Variants in PAX7 observed in about 807,000 individuals in gnomAD.
PAX7 encodes paired box 7.
Under a neutral mutation model 50.7 loss-of-function variants are expected in PAX7, and 18 were observed. The observed-to-expected ratio is 0.36, with a 90% CI of 0.25 to 0.53. The LOEUF (loss-of-function observed/expected upper bound fraction) is 0.53. PAX7 is among the 20% of genes least tolerant of loss of function. The pLI is 0.93. For synonymous variants in PAX7, 310 were observed against 290.4 expected, an observed-to-expected ratio of 1.07 and a Z score of -0.69; for missense variants, 644 against 702.9, an observed-to-expected ratio of 0.92 and a Z score of 0.95.
At chr1:18,694,459 C>A in intron 5 of PAX7, among the ~76,000 whole-genome samples, 1 of 128,938 alleles carries the variant, frequency 7.8e-6, no homozygotes. Context: ...AACTCTGTCT[C>A]GAAAATAAAT....
intron 4 of PAX7, among the ~76,000 whole-genome samples, chr1:18,673,569 A>G (rs1271226441): frequency 1.3e-5 from 2 of 152,212 alleles, no homozygotes; most frequent in Non-Finnish European, 2.9e-5. Flanking sequence ...TCAGAGCAAT[A>G]ATTGTCCCAG....
At chr1:18,703,369 G>A (rs1173018782) in intron 7 of PAX7, 73 bp downstream of exon 7, 3 of 1,372,576 alleles carry the variant, frequency 2.2e-6, no homozygotes, top group East Asian at 2.3e-5. Flanking sequence ...GCACGTGGGT[G>A]GAAGCCTTGC....
In PAX7 at chr1:18,726,619, G is replaced by A. The variant is rs1483969684; in HGVS notation, c.1156-9013G>A. On this transcript the variant is annotated intron_variant, in intron 7 of 8. Coordinates refer to ENST00000420770, the MANE Select transcript of PAX7 (RefSeq NM_001135254.2). This position sits in a 1 kb window ranked among gnomAD's most constrained non-coding sequence, Gnocchi z 4.8. ...CCAGGCAGAGGGTTGGGCCTTAGTG[G>A]GACTGAAAGTTTCCACGGGGTAAGG... Among the ~76,000 whole-genome samples, 1 of 152,100 alleles carries A rather than the reference G, an allele frequency of 6.6e-6. No individual in the cohort carries two copies. The highest frequency in any genetic ancestry group is 1.5e-5 in the Non-Finnish European group (1 of 68,024).
chr1:18,686,893 A>AT (rs774061568), intron 4 of PAX7, among the ~76,000 whole-genome samples: 12,057 of 50,710 alleles, frequency 0.24, 553 homozygotes, highest in Non-Finnish European at 0.26. Context: ...TTTTATTATT[A>AT]TTATTATTAT....
At chr1:18,667,638 T>C (rs2088690048) in intron 4 of PAX7, among the ~76,000 whole-genome samples, 1 of 152,098 alleles carries the variant, frequency 6.6e-6, no homozygotes, top group Non-Finnish European at 1.5e-5. Flanking sequence ...CTACAAGTCA[T>C]GGAATCCTGG....
intron 4 of PAX7, among the ~76,000 whole-genome samples, chr1:18,648,540 G>C (rs1447394827): frequency 6.6e-6 from 1 of 151,902 alleles, no homozygotes; most frequent in Admixed American, 6.6e-5. Context: ...ACAGGATTTT[G>C]CCACGTTGCC....
intron 4 of PAX7, among the ~76,000 whole-genome samples, chr1:18,654,038 ACG>A (rs1201270162): frequency 6.6e-6 from 1 of 151,910 alleles, no homozygotes; most frequent in Admixed American, 6.6e-5. Flanking sequence ...GACTGCAAAT[ACG>A]CCAAAGATGA....
At chr1:18,633,371 G>A (rs2088089118) in intron 1 of PAX7, among the ~76,000 whole-genome samples, 1 of 152,178 alleles carries the variant, frequency 6.6e-6, no homozygotes. Flanking sequence ...AGGAAATTGT[G>A]TAGACTTTGC....
At chr1:18,681,506 T>C (rs1237942168) in intron 4 of PAX7, among the ~76,000 whole-genome samples, 1 of 152,136 alleles carries the variant, frequency 6.6e-6, no homozygotes, top group Non-Finnish European at 1.5e-5. Context: ...CACAGTACCA[T>C]TTCCAGCAGT....
At chr1:18,646,141 G>A (rs887239183) in intron 4 of PAX7, among the ~76,000 whole-genome samples, 1 of 152,250 alleles carries the variant, frequency 6.6e-6, no homozygotes, top group Non-Finnish European at 1.5e-5. Context: ...CATGGGGGAA[G>A]ATTCTGAATG....
chr1:18,634,151 C>T lies in PAX7; in HGVS notation c.86-152C>T, dbSNP rs533376777. 4 of 616,968 alleles carry T rather than the reference C, an allele frequency of 6.5e-6. No individual in the cohort carries two copies. In the East Asian group the frequency reaches 8.2e-5, roughly 13 times the overall value. 38.2% of individuals were successfully genotyped at this position (616,968 alleles called of 1,614,324 possible). ...GACAGTTGTTTCTCAAACTACCTACCTACCGAAGCCCCAGTGTGAGGACCA... is the reference window on the plus strand; with the variant it reads ...GACAGTTGTTTCTCAAACTACCTACTTACCGAAGCCCCAGTGTGAGGACCA... On this transcript the variant is annotated intron_variant, in intron 1 of 8. Coordinates refer to ENST00000420770, the MANE Select transcript of PAX7 (RefSeq NM_001135254.2). The surrounding 1 kb of genome is among the most constrained non-coding windows in gnomAD (Gnocchi z 4.0).
chr1:18,707,547 A>C (rs761976484), intron 7 of PAX7, among the ~76,000 whole-genome samples: 1 of 150,292 alleles, frequency 6.7e-6, no homozygotes, highest in Non-Finnish European at 1.5e-5. Context: ...CTCAGCCTCC[A>C]GAGTAGCTGG....
chr1:18,698,762 G>A (rs543484317), intron 5 of PAX7, among the ~76,000 whole-genome samples: 5 of 152,118 alleles, frequency 3.3e-5, no homozygotes, highest in East Asian at 2.0e-4. Flanking sequence ...GGAGCCAGTC[G>A]TTTTTCCTCC....
rs764547860 is a variant in PAX7, at chr1:18,700,862, C to A, written c.952+44C>A. The A allele has an allele frequency of 1.5e-6, 2 of 1,338,646 alleles. No homozygotes were observed. The highest frequency in any genetic ancestry group is 1.5e-5 in the African/African-American group (1 of 65,196). 82.9% of individuals were successfully genotyped at this position (1,338,646 alleles called of 1,614,324 possible). On this transcript the variant is annotated intron_variant, in intron 6 of 8. Transcript: ENST00000420770. The surrounding 1 kb of genome is among the most constrained non-coding windows in gnomAD (Gnocchi z 4.8). The stretch of plus-strand genomic sequence containing the variant: ...TCCTGCCATCTCAGTGGTGCCCCTT[C>A]CCTTCTTTCTTTACTTTCACTTACA...
chr1:18,746,468 C>A lies in PAX7; in HGVS notation c.*1539C>A, dbSNP rs1931444223. On this transcript the variant is annotated 3_prime_UTR_variant, in exon 9 of 9. Transcript: ENST00000420770. ...CCTGGGAACTTTTTACCACCTTTAC[C>A]TATTTATCAAAATCATATTCATCTT... 1 of 230,760 alleles carries A rather than the reference C, an allele frequency of 4.3e-6. No individual in the cohort carries two copies. Among genetic ancestry groups the A allele is most frequent in the Non-Finnish European group, 8.6e-6 (1 of 116,560 alleles). 14.3% of individuals were successfully genotyped at this position (230,760 alleles called of 1,614,324 possible). A position where few individuals can be genotyped will look rare whatever the true frequency, so the allele number is the denominator to read the frequency against.
chr1:18,699,684 C>T (rs533137416), intron 5 of PAX7, among the ~76,000 whole-genome samples: 86 of 152,166 alleles, frequency 5.7e-4, no homozygotes, highest in African/African-American at 2.0e-3. Context: ...CCTCAGCCTC[C>T]CGACTAGCTG....
intron 4 of PAX7, among the ~76,000 whole-genome samples, chr1:18,689,735 A>G (rs1323216133): frequency 1.3e-5 from 2 of 152,206 alleles, no homozygotes; most frequent in African/African-American, 4.8e-5. Context: ...CTGGCTATGA[A>G]TGTGGCACCA....
intron 4 of PAX7, among the ~76,000 whole-genome samples, chr1:18,655,334 C>A (rs1460576114): frequency 6.6e-6 from 1 of 152,158 alleles, no homozygotes; most frequent in Non-Finnish European, 1.5e-5. Context: ...AATTACCATG[C>A]AATCAATATG....
chr1:18,716,294 C>T (rs2089419087), intron 7 of PAX7, among the ~76,000 whole-genome samples: 1 of 152,144 alleles, frequency 6.6e-6, no homozygotes, highest in Non-Finnish European at 1.5e-5. Context: ...TCGGCCTTGT[C>T]ACTCCCCCAC....
Sources: gnomAD v4.1 joint callset for allele counts (sites outside exome capture counted in the v4.1 genomes callset) on GRCh38, gnomAD v4.1.1 for gene constraint, Gnocchi (gnomAD v3.1) non-coding constraint, MANE v1.5 for transcripts, NCBI Gene and HGNC (gene_info 2026-07-23, HGNC 2026-07-21) for gene names.